Variants in DOK5 observed in about 807,000 individuals in gnomAD.
DOK5 encodes downstream of tyrosine kinase 5.
In DOK5, 27 loss-of-function variants were observed where a neutral mutation model predicts 43.3. The ratio of observed to expected loss-of-function variants is 0.62; its 90% CI spans 0.46 to 0.86. The LOEUF is 0.86. Among genes scored for constraint, DOK5 ranks in the 40% least tolerant of loss-of-function variants. DOK5 has a pLI of 0.00. For missense variants in DOK5, 373 were observed against 392.9 expected (o/e 0.95, Z 0.43); for synonymous variants, 146 against 140.1 (o/e 1.04, Z -0.30).
chr20:54,603,859 G>A (rs1008625796), intron 5 of DOK5, among the ~76,000 whole-genome samples: 1 of 150,210 alleles, frequency 6.7e-6, no homozygotes, highest in African/African-American at 2.5e-5. Flanking sequence ...GTGAAAGTAC[G>A]TTTTCTTGTC....
At chr20:54,489,446 A>C (rs960873368) in intron 1 of DOK5, among the ~76,000 whole-genome samples, 1 of 152,050 alleles carries the variant, frequency 6.6e-6, no homozygotes, top group Admixed American at 6.6e-5. Context: ...GTGCGTTTGC[A>C]TGCAATTTAT....
intron 1 of DOK5, among the ~76,000 whole-genome samples, chr20:54,491,682 T>C (rs950090640): frequency 1.3e-5 from 2 of 152,194 alleles, no homozygotes; most frequent in Admixed American, 1.3e-4. Flanking sequence ...GAAGGGTGAC[T>C]GTGGTTGTGA....
chr20:54,629,756 GAC>G (rs1978476934), intron 6 of DOK5, among the ~76,000 whole-genome samples: 1 of 152,210 alleles, frequency 6.6e-6, no homozygotes, highest in Non-Finnish European at 1.5e-5. Flanking sequence ...AACAGTGTAA[GAC>G]AGAGAGAATG....
At chr20:54,500,236 A>G (rs946036739) in intron 1 of DOK5, among the ~76,000 whole-genome samples, 1 of 152,244 alleles carries the variant, frequency 6.6e-6, no homozygotes, top group African/African-American at 2.4e-5. Flanking sequence ...TTAGGAAAAA[A>G]GACTAAAGCT....
chr20:54,486,610 T>C (rs1282781803), intron 1 of DOK5, among the ~76,000 whole-genome samples: 1 of 152,138 alleles, frequency 6.6e-6, no homozygotes, highest in Non-Finnish European at 1.5e-5. Flanking sequence ...TGCATTAGTT[T>C]ATTTTTGTGG....
chr20:54,517,621 T>C (rs1983243451), intron 1 of DOK5, among the ~76,000 whole-genome samples: 1 of 152,138 alleles, frequency 6.6e-6, no homozygotes, highest in African/African-American at 2.4e-5. Context: ...AAAGTGATGA[T>C]GATAGTGTTG....
intron 5 of DOK5, among the ~76,000 whole-genome samples, chr20:54,601,933 G>T (rs1057279755): frequency 6.6e-6 from 1 of 152,118 alleles, no homozygotes; most frequent in Non-Finnish European, 1.5e-5. Flanking sequence ...CAAAGAAGAG[G>T]TTTATTTTAT....
At chr20:54,533,681 C>T (rs1983857187) in intron 1 of DOK5, among the ~76,000 whole-genome samples, 1 of 152,080 alleles carries the variant, frequency 6.6e-6, no homozygotes, top group Non-Finnish European at 1.5e-5. Flanking sequence ...AGCAGAATGA[C>T]AGTATTTTTT....
chr20:54,513,642 C>T (rs185595843), intron 1 of DOK5, among the ~76,000 whole-genome samples: 2 of 152,056 alleles, frequency 1.3e-5, no homozygotes, highest in African/African-American at 2.4e-5. Flanking sequence ...ATTTTTAAAA[C>T]GTGAGATTAT....
At chr20:54,510,625 T>C (rs2146686886) in intron 1 of DOK5, among the ~76,000 whole-genome samples, 1 of 152,216 alleles carries the variant, frequency 6.6e-6, no homozygotes, top group East Asian at 1.9e-4. Context: ...CATGGCCTAG[T>C]TTTGGAAAGA....
Position 54,591,533 on chromosome 20 carries a change from T to C in DOK5, c.410-83T>C, listed in dbSNP as rs1459433121. On this transcript the variant is annotated intron_variant, in intron 4 of 7. Coordinates refer to ENST00000262593, the MANE Select transcript of DOK5 (RefSeq NM_018431.5). ...AAATCTAGAATGTGAACTTGAATTG[T>C]TTTTAAATGCCTCTATGTTCCTACA... The C allele has an allele frequency of 6.3e-6, 7 of 1,102,908 alleles. No individual in the cohort carries two copies. In the Admixed American group the frequency reaches 1.9e-4, roughly 30 times the overall value. The allele number at this position is 1,102,908 out of a possible 1,614,324, so 68.3% of individuals were successfully genotyped here.
chr20:54,591,609 C>T lies in DOK5; in HGVS notation c.410-7C>T. ...GATTTTAGACTAACCTTTTGTTTTTCTCCCAGAGAGATTCAATGTGTATTT... is the reference window on the plus strand; with the variant it reads ...GATTTTAGACTAACCTTTTGTTTTTTTCCCAGAGAGATTCAATGTGTATTT... On this transcript the variant is annotated splice_polypyrimidine_tract_variant and splice_region_variant and intron_variant, in intron 4 of 7. Transcript: ENST00000262593. The T allele has an allele frequency of 1.3e-6, 2 of 1,572,912 alleles. No individual in the cohort carries two copies. Among genetic ancestry groups the T allele is most frequent in the Non-Finnish European group, 1.7e-6 (2 of 1,158,302 alleles).
chr20:54,591,798 G>A lies in DOK5; in HGVS notation c.592G>A (p.Ala198Thr). The change falls in exon 5 of 8, where the codon GCA becomes ACA. Residue 198 changes from alanine (A) to threonine (T), a missense_variant. Transcript: ENST00000262593. The part of the protein sequence containing the change: ...GRDTTWFTFE[A>T]GRMCETGEGL... ...TGATACTACGTGGTTCACTTTTGAG[G>A]CAGGGAGGTGAGTTTAATGACTTTT... 6.2e-7 allele frequency: 1 copy of A among 1,610,548 alleles called. No individual in the cohort carries two copies. Among genetic ancestry groups the A allele is most frequent in the Non-Finnish European group, 8.5e-7 (1 of 1,178,940 alleles).
intron 1 of DOK5, among the ~76,000 whole-genome samples, chr20:54,542,099 TACACACACAC>T (rs59020714): frequency 1.8e-4 from 22 of 121,982 alleles, no homozygotes; most frequent in African/African-American, 6.1e-4. Flanking sequence ...TATTATAAGA[TACACACACAC>T]ACACACACAC....
In DOK5 at chr20:54,637,844, C is replaced by T. The variant is rs565820334; in HGVS notation, c.736-5614C>T. ...GATAAAAGATAATCCCTACTTTGGCCGGGCGCGGTGGCTCACGCCTGTAAT... is the reference window on the plus strand; with the variant it reads ...GATAAAAGATAATCCCTACTTTGGCTGGGCGCGGTGGCTCACGCCTGTAAT... On this transcript the variant is annotated intron_variant, in intron 6 of 7. Transcript: ENST00000262593. Among the ~76,000 whole-genome samples, 64 of 152,242 alleles carry T rather than the reference C, an allele frequency of 4.2e-4. 1 individual carries two copies. Among genetic ancestry groups the T allele is most frequent in the Non-Finnish European group, 5.3e-4 (36 of 68,018 alleles).
At chr20:54,649,414 TACAA>T (rs1002662072) in intron 7 of DOK5, among the ~76,000 whole-genome samples, 67 of 150,972 alleles carry the variant, frequency 4.4e-4, no homozygotes, top group African/African-American at 1.6e-3. Flanking sequence ...AAAAAATACA[TACAA>T]ATAAAATAAA....
rs1417923357 is a variant in DOK5 at position 54,487,953 on chromosome 20, C to G, written c.66+11941C>G. Among the ~76,000 whole-genome samples, 10 of 152,332 alleles carry G rather than the reference C, an allele frequency of 6.6e-5. No individual in the cohort carries two copies. In the East Asian group the frequency reaches 1.7e-3, roughly 26 times the overall value. ...CCATGTTTAGAAGAGCAATTCAACT[C>G]TTAGAATTCATTTTATTATCTTAAC... On this transcript the variant is annotated intron_variant, in intron 1 of 7. Coordinates refer to ENST00000262593, the MANE Select transcript of DOK5 (RefSeq NM_018431.5).
rs1044587772 is a variant in DOK5, at chr20:54,583,993, A to T, written c.175-4490A>T. On this transcript the variant is annotated intron_variant, in intron 2 of 7. Coordinates refer to ENST00000262593, the MANE Select transcript of DOK5 (RefSeq NM_018431.5). ...TGTCTCTACTAAAAATACAAAAAAAAAAAAAAATTAGTCGAGCACGGTGGT... is the reference window on the plus strand; with the variant it reads ...TGTCTCTACTAAAAATACAAAAAAATAAAAAAATTAGTCGAGCACGGTGGT... Among the ~76,000 whole-genome samples, 14 of 151,972 alleles carry T rather than the reference A, an allele frequency of 9.2e-5. No homozygotes were observed. In the East Asian group the frequency reaches 2.7e-3, roughly 29 times the overall value.
chr20:54,604,481 A>T (rs1258459631), intron 5 of DOK5, among the ~76,000 whole-genome samples: 1 of 151,638 alleles, frequency 6.6e-6, no homozygotes, highest in African/African-American at 2.4e-5. Context: ...CCATGATATT[A>T]TTCTCAAATG....
Sources: allele counts gnomAD v4.1 joint callset (sites outside exome capture counted in the v4.1 genomes callset), GRCh38; gene constraint gnomAD v4.1.1; transcripts MANE v1.5; gene names NCBI Gene and HGNC (gene_info 2026-07-23, HGNC 2026-07-21).